Variants in CHP1 observed in about 807,000 individuals in gnomAD.
CHP1 encodes calcineurin like EF-hand protein 1, also known as calcineurin B homologous protein 1.
Under a neutral mutation model 27.4 loss-of-function variants are expected in CHP1, and 11 were observed. The ratio of observed to expected loss-of-function variants is 0.40; its 90% confidence interval spans 0.25 to 0.67. The LOEUF (loss-of-function observed/expected upper bound fraction) is 0.67. CHP1 is among the 30% of genes least tolerant of loss of function. The pLI, the probability that CHP1 is intolerant of heterozygous loss-of-function variation, is 0.38. For synonymous variants in CHP1, 89 were observed against 87.4 expected (o/e 1.02, Z -0.10); for missense variants, 169 against 251.3 (o/e 0.67, Z 2.22).
At chr15:41,256,115 G>C (rs1021878240) in intron 2 of CHP1, among the ~76,000 whole-genome samples, 1 of 152,172 alleles carries the variant, frequency 6.6e-6, no homozygotes, top group African/African-American at 2.4e-5. Context: ...TGCTACTTAG[G>C]AGTAGTGTGG....
intron 1 of CHP1, among the ~76,000 whole-genome samples, chr15:41,240,351 T>G (rs1165553168): frequency 6.6e-6 from 1 of 152,068 alleles, no homozygotes; most frequent in East Asian, 1.9e-4. Flanking sequence ...TTTAAAATTA[T>G]ATAAATTGGA....
intron 2 of CHP1, among the ~76,000 whole-genome samples, chr15:41,248,967 C>T (rs1017732989): frequency 3.9e-5 from 6 of 152,140 alleles, no homozygotes; most frequent in Admixed American, 6.5e-5. Flanking sequence ...TCTTCCCCTT[C>T]TCTCAGCCCT....
At chr15:41,241,335 C>T (rs2047306034) in intron 1 of CHP1, among the ~76,000 whole-genome samples, 1 of 152,220 alleles carries the variant, frequency 6.6e-6, no homozygotes, top group African/African-American at 2.4e-5. Context: ...AATACTTGTG[C>T]CTTCAGGCTC....
chr15:41,236,749 T>C (rs1480472698), intron 1 of CHP1, among the ~76,000 whole-genome samples: 1 of 152,176 alleles, frequency 6.6e-6, no homozygotes, highest in Admixed American at 6.6e-5. Context: ...TCTGCATGTA[T>C]CCCTTAAGTA....
chr15:41,278,291 C>T (rs1468247481), intron 5 of CHP1, among the ~76,000 whole-genome samples: 2 of 149,310 alleles, frequency 1.3e-5, no homozygotes, highest in Non-Finnish European at 3.0e-5. Flanking sequence ...TGAGATCGTG[C>T]CACTGCCCTC....
chr15:41,262,663 T>C, intron 3 of CHP1, 93 bp from the exon 4 acceptor site: 1 of 1,492,244 alleles, frequency 6.7e-7, no homozygotes, highest in East Asian at 2.3e-5. Context: ...CCTTTCAGGC[T>C]ACCGTAGCTA....
At chr15:41,240,730 G>T (rs2047302154) in intron 1 of CHP1, among the ~76,000 whole-genome samples, 1 of 141,922 alleles carries the variant, frequency 7.0e-6, no homozygotes, top group African/African-American at 2.6e-5. Flanking sequence ...TCCAGCCTGG[G>T]CAAGAAGAGC....
At chr15:41,255,241 G>T (rs1173656472) in intron 2 of CHP1, among the ~76,000 whole-genome samples, 2 of 152,080 alleles carry the variant, frequency 1.3e-5, no homozygotes, top group African/African-American at 4.8e-5. Flanking sequence ...GCCCCCCCTT[G>T]ATCTGGAACA....
chr15:41,248,787 C>T (rs1180922095), intron 2 of CHP1, among the ~76,000 whole-genome samples: 1 of 152,140 alleles, frequency 6.6e-6, no homozygotes, highest in East Asian at 1.9e-4. Context: ...ACCAAGCTAC[C>T]TTGAATACCT....
chr15:41,242,644 T>G (rs1331907477), intron 1 of CHP1, among the ~76,000 whole-genome samples: 1 of 147,246 alleles, frequency 6.8e-6, no homozygotes, highest in Non-Finnish European at 1.5e-5. Flanking sequence ...AAATAAAATT[T>G]AAAAAATAAG....
chr15:41,260,229 A>G (rs369474201), intron 3 of CHP1, among the ~76,000 whole-genome samples: 1 of 151,394 alleles, frequency 6.6e-6, no homozygotes, highest in East Asian at 1.9e-4. Context: ...TAAATAAATT[A>G]TATTATGTTA....
intron 4 of CHP1, among the ~76,000 whole-genome samples, chr15:41,270,307 T>C (rs2047482291): frequency 1.3e-5 from 2 of 152,054 alleles, no homozygotes; most frequent in South Asian, 4.2e-4. Flanking sequence ...AAAAAGGACA[T>C]TTGGCTTTCT....
Position 41,279,956 on chromosome 15 carries a change from C to T in CHP1, c.*567C>T, listed in dbSNP as rs959937784. 6.6e-6 allele frequency: 1 copy of T among 152,340 alleles called. No individual in the cohort carries two copies. The highest frequency in any genetic ancestry group is 1.5e-5 in the Non-Finnish European group (1 of 68,190). 9.4% of individuals were successfully genotyped at this position (152,340 alleles called of 1,614,324 possible). A position where few individuals can be genotyped will look rare whatever the true frequency, so the allele number is the denominator to read the frequency against. ...GTATTTCTGACTTGGCAGGATAGTT[C>T]AGGGGTCTGGCAGTTTTTATTTACC... On this transcript the variant is annotated 3_prime_UTR_variant, in exon 7 of 7. Transcript: ENST00000334660.
Position 41,278,893 on chromosome 15 carries a change from G to A in CHP1, c.534+4G>A, listed in dbSNP as rs1172991985. The A allele has an allele frequency of 1.2e-6, 2 of 1,613,946 alleles. No individual in the cohort carries two copies. The highest frequency in any genetic ancestry group is 1.7e-6 in the Non-Finnish European group (2 of 1,179,922). On this transcript the variant is annotated splice_donor_region_variant and intron_variant, in intron 6 of 6. Transcript: ENST00000334660. Reference sequence around the variant, plus strand: ...ATCTTTCACAGAATTTGTTAAGGTTGGTCACTTACTTCTTGTTTGAAAAAG... The same window carrying A: ...ATCTTTCACAGAATTTGTTAAGGTTAGTCACTTACTTCTTGTTTGAAAAAG...
At chr15:41,259,376 G>A (rs1223421735) in intron 3 of CHP1, among the ~76,000 whole-genome samples, 1 of 152,150 alleles carries the variant, frequency 6.6e-6, no homozygotes, top group Non-Finnish European at 1.5e-5. Context: ...CTAAGGAAAT[G>A]GGACAGAGTG....
intron 1 of CHP1, chr15:41,234,195 T>C (rs1429691217): frequency 6.6e-6 from 1 of 152,172 alleles, no homozygotes; most frequent in African/African-American, 2.4e-5. Context: ...CTCAAGTGAT[T>C]CTTAGGCCAC....
intron 2 of CHP1, among the ~76,000 whole-genome samples, chr15:41,247,686 A>G (rs2047342596): frequency 6.7e-6 from 1 of 149,710 alleles, no homozygotes. Context: ...TAAATAAATA[A>G]ATAGGGCCGG....
intron 1 of CHP1, among the ~76,000 whole-genome samples, chr15:41,242,166 C>T (rs1237854472): frequency 2.0e-5 from 3 of 152,260 alleles, no homozygotes; most frequent in East Asian, 3.9e-4. Context: ...GACCATTTTA[C>T]GAATTTGCCT....
intron 1 of CHP1, among the ~76,000 whole-genome samples, chr15:41,236,777 TAAC>T (rs1264353741): frequency 6.6e-6 from 1 of 152,042 alleles, no homozygotes; most frequent in African/African-American, 2.4e-5. Flanking sequence ...GGTTTTTACG[TAAC>T]AACAATACTA....
Sources: allele counts gnomAD v4.1 joint callset (sites outside exome capture counted in the v4.1 genomes callset), GRCh38; gene constraint gnomAD v4.1.1; transcripts MANE v1.5; gene names NCBI Gene and HGNC (gene_info 2026-07-23, HGNC 2026-07-21).